NLGN1: variants seen among roughly 807,000 people sequenced by gnomAD.
NLGN1 encodes the protein neuroligin-1.
Under a neutral mutation model 65.5 loss-of-function variants are expected in NLGN1, and 12 were observed. That is an observed-to-expected ratio of 0.18 (90% CI 0.12 to 0.30). The LOEUF (loss-of-function observed/expected upper bound fraction) is 0.30. NLGN1 is among the 10% of genes least tolerant of loss of function. NLGN1 has a pLI of 1.00. For synonymous variants in NLGN1, 350 were observed against 359.5 expected, an observed-to-expected ratio of 0.97 and a Z score of 0.30; for missense variants, 750 against 1,007.1, an observed-to-expected ratio of 0.74 and a Z score of 3.46.
chr3:173,573,580 T>C (rs1251138855), intron 2 of NLGN1, among the ~76,000 whole-genome samples: 1 of 149,634 alleles, frequency 6.7e-6, no homozygotes, highest in Non-Finnish European at 1.5e-5. Context: ...ACAAGGGAAA[T>C]AGAGTAGGGG....
chr3:174,114,693 T>C (rs1715999098), intron 4 of NLGN1, among the ~76,000 whole-genome samples: 1 of 152,178 alleles, frequency 6.6e-6, no homozygotes, highest in African/African-American at 2.4e-5. Flanking sequence ...TATCTAACGC[T>C]GCATAGTTTA....
intron 3 of NLGN1, among the ~76,000 whole-genome samples, chr3:173,625,373 A>C (rs1754664387): frequency 6.6e-6 from 1 of 152,076 alleles, no homozygotes; most frequent in Non-Finnish European, 1.5e-5. Flanking sequence ...CACTACCACC[A>C]TCCTGGTACG....
chr3:174,174,678 T>A (rs1034411576), intron 4 of NLGN1, among the ~76,000 whole-genome samples: 20 of 152,046 alleles, frequency 1.3e-4, no homozygotes, highest in African/African-American at 4.6e-4. Flanking sequence ...GGATTGTTTT[T>A]TTCTTGCTAA....
intron 1 of NLGN1, among the ~76,000 whole-genome samples, chr3:173,420,667 A>G (rs1244994486): frequency 1.3e-5 from 2 of 152,176 alleles, no homozygotes; most frequent in Non-Finnish European, 2.9e-5. Context: ...GACTTCCACA[A>G]TGGTTGAACT....
intron 3 of NLGN1, among the ~76,000 whole-genome samples, chr3:173,623,333 G>T (rs1258000953): frequency 6.7e-6 from 1 of 149,382 alleles, no homozygotes; most frequent in Non-Finnish European, 1.5e-5. Context: ...TGTAAAAATG[G>T]GGAAATGTGA....
chr3:173,798,489 T>C (rs1331466139), intron 3 of NLGN1, among the ~76,000 whole-genome samples: 8 of 152,222 alleles, frequency 5.3e-5, no homozygotes, highest in Non-Finnish European at 1.2e-4. Context: ...TGAAAAAATA[T>C]GTATAGCTTT....
chr3:173,948,099 C>T (rs1203142547), intron 4 of NLGN1, among the ~76,000 whole-genome samples: 1 of 152,166 alleles, frequency 6.6e-6, no homozygotes, highest in Non-Finnish European at 1.5e-5. Context: ...GGAGACAGCA[C>T]AGAGGTGTAG....
intron 3 of NLGN1, among the ~76,000 whole-genome samples, chr3:173,642,348 A>T (rs1757545612): frequency 6.6e-6 from 1 of 152,190 alleles, no homozygotes; most frequent in South Asian, 2.1e-4. Context: ...GCCGACTCTC[A>T]GGACTGGGGA....
intron 2 of NLGN1, among the ~76,000 whole-genome samples, chr3:173,486,544 T>G (rs1728208615): frequency 6.6e-6 from 1 of 152,158 alleles, no homozygotes; most frequent in Admixed American, 6.6e-5. Flanking sequence ...CTTCTATTTT[T>G]TATCATTCCA....
chr3:173,993,692 A>ATAGATAGT (rs1378010476), intron 4 of NLGN1, among the ~76,000 whole-genome samples: 2 of 151,820 alleles, frequency 1.3e-5, no homozygotes, highest in East Asian at 1.9e-4. Context: ...AGATAGATAG[A>ATAGATAGT]TAGTTCAGGA....
intron 4 of NLGN1, chr3:174,180,722 G>C (rs1483243001): frequency 1.3e-5 from 2 of 152,036 alleles, no homozygotes; most frequent in Non-Finnish European, 2.9e-5. Context: ...TGTCTACTCT[G>C]TGCCAAGCAT....
At chr3:174,147,488 C>T (rs560590528) in intron 4 of NLGN1, among the ~76,000 whole-genome samples, 5 of 115,334 alleles carry the variant, frequency 4.3e-5, no homozygotes, top group African/African-American at 1.7e-4. Flanking sequence ...GGCTGGAGTG[C>T]AAAAGAGCGA....
At chr3:173,947,785 C>T (rs1747467909) in intron 4 of NLGN1, among the ~76,000 whole-genome samples, 1 of 152,148 alleles carries the variant, frequency 6.6e-6, no homozygotes, top group South Asian at 2.1e-4. Context: ...ATTGAACTAT[C>T]AAATGCCAAT....
chr3:173,445,082 A>C (rs892022842), intron 2 of NLGN1, among the ~76,000 whole-genome samples: 2 of 151,380 alleles, frequency 1.3e-5, no homozygotes, highest in African/African-American at 2.4e-5. Flanking sequence ...TCCCGGCTAA[A>C]ACGGTGAAAC....
intron 4 of NLGN1, among the ~76,000 whole-genome samples, chr3:174,211,777 TAC>T (rs1171294473): frequency 1.3e-5 from 2 of 151,086 alleles, no homozygotes; most frequent in East Asian, 1.9e-4. Context: ...AGCAGCTAGA[TAC>T]AGAGTGTCGA....
At chr3:173,772,686 C>T (rs192289318) in intron 3 of NLGN1, among the ~76,000 whole-genome samples, 2 of 152,216 alleles carry the variant, frequency 1.3e-5, no homozygotes, top group Non-Finnish European at 2.9e-5. Flanking sequence ...TAAAGTTAAG[C>T]TTTTCTTCTC....
At chr3:173,931,629 G>A (rs1302546330) in intron 4 of NLGN1, among the ~76,000 whole-genome samples, 1 of 152,044 alleles carries the variant, frequency 6.6e-6, no homozygotes, top group Non-Finnish European at 1.5e-5. Flanking sequence ...GAAAGAGTGA[G>A]TAGAAATAGA....
chr3:173,680,217 A>G (rs7652222), intron 3 of NLGN1, among the ~76,000 whole-genome samples: 10,912 of 152,136 alleles, frequency 0.072, 678 homozygotes, highest in African/African-American at 0.16. Context: ...ATTTTAGTTA[A>G]AACTCATGAG....
chr3:173,831,269 C>T (rs942331039), intron 4 of NLGN1, among the ~76,000 whole-genome samples: 33 of 152,096 alleles, frequency 2.2e-4, no homozygotes, highest in African/African-American at 7.7e-4. Flanking sequence ...TATCATATTA[C>T]CTACCTGCAC....
Sources: gnomAD v4.1 joint callset for allele counts (sites outside exome capture counted in the v4.1 genomes callset) on GRCh38, gnomAD v4.1.1 for gene constraint, MANE v1.5 for transcripts, NCBI Gene and HGNC (gene_info 2026-07-23, HGNC 2026-07-21) for gene names.